Variants in UBE2G2 observed in about 807,000 individuals in gnomAD.
UBE2G2 encodes ubiquitin conjugating enzyme E2 G2.
In UBE2G2, 10 loss-of-function variants were observed where a neutral mutation model predicts 23.0. That is an observed-to-expected ratio of 0.43 (90% CI 0.27 to 0.74). The LOEUF is 0.74. UBE2G2 is among the 30% of genes least tolerant of loss of function. The pLI is 0.19. For synonymous variants in UBE2G2, 86 were observed against 81.3 expected, an observed-to-expected ratio of 1.06 and a Z score of -0.31; for missense variants, 150 against 218.3, an observed-to-expected ratio of 0.69 and a Z score of 1.97.
At chr21:44,797,882 G>A (rs1337524275) in intron 1 of UBE2G2, among the ~76,000 whole-genome samples, 1 of 152,072 alleles carries the variant, frequency 6.6e-6, no homozygotes, top group Non-Finnish European at 1.5e-5. Context: ...TTTCCCATGA[G>A]GACACAGAAG....
chr21:44,779,498 C>G (rs553665597), intron 3 of UBE2G2, among the ~76,000 whole-genome samples: 2 of 147,432 alleles, frequency 1.4e-5, no homozygotes, highest in Non-Finnish European at 3.0e-5. Flanking sequence ...GGACAGTGCC[C>G]GGATGAGTAC....
intron 1 of UBE2G2, chr21:44,801,251 TTTC>T: frequency 1.0e-6 from 1 of 967,050 alleles, no homozygotes. Flanking sequence ...CAAAAACCCT[TTTC>T]CTTCATTAGA....
intron 1 of UBE2G2, chr21:44,789,247 T>C (rs1230564434): frequency 6.6e-6 from 1 of 152,066 alleles, no homozygotes; most frequent in African/African-American, 2.4e-5. Flanking sequence ...TAGCCGGGCA[T>C]GGTGGCATGC....
intron 2 of UBE2G2, 37 bp downstream of exon 2, chr21:44,788,023 A>C (rs782073513): frequency 6.2e-7 from 1 of 1,612,306 alleles, no homozygotes; most frequent in Admixed American, 1.7e-5. Flanking sequence ...TTGGCAATTA[A>C]AAGTAAATTA....
chr21:44,773,771 G>C (rs1344924269), intron 4 of UBE2G2, 84 bp from the exon 5 acceptor site: 2 of 1,538,554 alleles, frequency 1.3e-6, no homozygotes, highest in Non-Finnish European at 1.8e-6. Context: ...CAGATAATGA[G>C]AACAAAGACT....
intron 3 of UBE2G2, among the ~76,000 whole-genome samples, chr21:44,786,323 C>T (rs1413906490): frequency 1.3e-5 from 2 of 152,228 alleles, no homozygotes; most frequent in Non-Finnish European, 2.9e-5. Flanking sequence ...GAGGACAGCC[C>T]AGACTGTGGG....
Position 44,772,114 on chromosome 21 carries a change from T to A in UBE2G2, c.386-625A>T, listed in dbSNP as rs1275886200. ...ACGGAGAGAGACCACCAGAACTGGA[T>A]GACATGTGCTGAGGCAGCAGCTGTG... On this transcript the variant is annotated intron_variant, in intron 5 of 5. Coordinates refer to ENST00000345496, the MANE Select transcript of UBE2G2 (RefSeq NM_003343.6). The surrounding 1 kb of genome is among the most constrained non-coding windows in gnomAD (Gnocchi z 5.4). 1.3e-5 allele frequency among the ~76,000 whole-genome samples: 2 copies of A among 152,138 alleles called. No individual in the cohort carries two copies. The highest frequency in any genetic ancestry group is 1.3e-4 in the Admixed American group (2 of 15,280).
intron 3 of UBE2G2, among the ~76,000 whole-genome samples, chr21:44,777,954 A>C (rs114020543): frequency 0.012 from 1,875 of 152,330 alleles, 29 homozygotes; most frequent in African/African-American, 0.043. Context: ...ACAAGTACAA[A>C]GACTGAATTC....
At chr21:44,780,146 C>T (rs577553749) in intron 3 of UBE2G2, among the ~76,000 whole-genome samples, 1 of 152,316 alleles carries the variant, frequency 6.6e-6, no homozygotes, top group South Asian at 2.1e-4. Flanking sequence ...CAAACATTTC[C>T]TGAAGTGCGC....
At chr21:44,777,765 G>A (rs2294158) in intron 3 of UBE2G2, among the ~76,000 whole-genome samples, 35,599 of 151,960 alleles carry the variant, frequency 0.23, 5,099 homozygotes, top group East Asian at 0.57. Flanking sequence ...CCAAGATCTC[G>A]CCACCGCACT....
rs371326518 is a variant in UBE2G2 at position 44,786,208 on chromosome 21, A to G, written c.125+1712T>C. Among the ~76,000 whole-genome samples the G allele has an allele frequency of 5.9e-5, 9 of 152,264 alleles. No individual in the cohort carries two copies. In the South Asian group the frequency reaches 1.7e-3, roughly 28 times the overall value. On this transcript the variant is annotated intron_variant, in intron 3 of 5. Transcript: ENST00000345496. Reference sequence around the variant, plus strand: ...AGTGCAGGTGCGCCTGCATTAACACATGAAACAAGCAGGTTACACATCAGT... The same window carrying G: ...AGTGCAGGTGCGCCTGCATTAACACGTGAAACAAGCAGGTTACACATCAGT...
In UBE2G2 at chr21:44,787,608, C is replaced by A. The variant is rs112446995; in HGVS notation, c.125+312G>T. ...TTCTGGAAGCCAAAGCCACCTACGC[C>A]ATTTGAGGTTATTTTAACCACGATC... is the stretch of plus-strand genomic sequence containing the variant. On this transcript the variant is annotated intron_variant, in intron 3 of 5. Coordinates refer to ENST00000345496, the MANE Select transcript of UBE2G2 (RefSeq NM_003343.6). 2.9e-3 allele frequency among the ~76,000 whole-genome samples: 447 copies of A among 152,326 alleles called. 6 individuals are homozygous for A. The highest frequency in any genetic ancestry group is 0.01 in the African/African-American group (423 of 41,554).
chr21:44,779,510 C>CT (rs1377336539), intron 3 of UBE2G2, among the ~76,000 whole-genome samples: 2 of 151,922 alleles, frequency 1.3e-5, no homozygotes, highest in South Asian at 2.1e-4. Context: ...GATGAGTACC[C>CT]CCCCCGGCCC....
At chr21:44,776,458 C>CT (rs1490820280) in intron 4 of UBE2G2, among the ~76,000 whole-genome samples, 23 of 152,276 alleles carry the variant, frequency 1.5e-4, no homozygotes, top group Admixed American at 1.4e-3. Context: ...AGTGCTACTG[C>CT]TTTTCCCAGT....
chr21:44,795,759 C>CTCTT (rs1555963658), intron 1 of UBE2G2, among the ~76,000 whole-genome samples: 1 of 151,728 alleles, frequency 6.6e-6, no homozygotes, highest in Non-Finnish European at 1.5e-5. Context: ...TAGAGGAAAA[C>CTCTT]TGGCCGTTTC....
chr21:44,784,588 C>T (rs1555961731), intron 3 of UBE2G2, among the ~76,000 whole-genome samples: 1 of 152,168 alleles, frequency 6.6e-6, no homozygotes, highest in Non-Finnish European at 1.5e-5. Context: ...TGCCCTGTGA[C>T]AGTCTTCAGT....
intron 1 of UBE2G2, among the ~76,000 whole-genome samples, chr21:44,798,562 T>C (rs1297303132): frequency 2.0e-5 from 3 of 152,250 alleles, no homozygotes; most frequent in Non-Finnish European, 4.4e-5. Flanking sequence ...CACAGCATTT[T>C]CACCAGGAGT....
chr21:44,801,803 G>GC lies in UBE2G2; in HGVS notation c.-56dup, dbSNP rs2083142274. 2.7e-6 allele frequency: 4 copies of GC among 1,493,578 alleles called. No individual in the cohort carries two copies. Among genetic ancestry groups the GC allele is most frequent in the South Asian group, 1.3e-5 (1 of 78,884 alleles). The allele number at this position is 1,493,578 out of a possible 1,614,324, so 92.5% of individuals were successfully genotyped here. On this transcript the variant is annotated 5_prime_UTR_variant, in exon 1 of 6. Coordinates refer to ENST00000345496, the MANE Select transcript of UBE2G2 (RefSeq NM_003343.6). ...CGCCTCAGCCGCGCGCGTGCCTCCT[G>GC]CCCCGACACCGGGGACTGCTTCCGG...
intron 1 of UBE2G2, chr21:44,789,384 C>CAAAAAAA (rs56695709): frequency 1.2e-5 from 1 of 82,330 alleles, no homozygotes; most frequent in African/African-American, 4.6e-5. Context: ...GACTCTGTCT[C>CAAAAAAA]AAAAAAAAAA....
Sources: allele counts gnomAD v4.1 joint callset (sites outside exome capture counted in the v4.1 genomes callset), GRCh38; gene constraint gnomAD v4.1.1; non-coding constraint Gnocchi (gnomAD v3.1); transcripts MANE v1.5; gene names NCBI Gene and HGNC (gene_info 2026-07-23, HGNC 2026-07-21).